Variants in WDR27 observed in about 807,000 individuals in gnomAD.
WDR27 encodes WD repeat domain 27.
In WDR27, 100 loss-of-function variants were observed where a neutral mutation model predicts 114.4. The ratio of observed to expected loss-of-function variants is 0.87; its 90% confidence interval spans 0.74 to 1.03. WDR27 has a LOEUF of 1.03. WDR27 is among the 50% of genes least tolerant of loss of function. WDR27 has a pLI of 0.00. For synonymous variants in WDR27, 449 were observed against 423.1 expected (o/e 1.06, Z -0.75); for missense variants, 1,129 against 1,092.9 (o/e 1.03, Z -0.47).
At chr6:169,644,243 T>C (rs1053790916) in intron 16 of WDR27, among the ~76,000 whole-genome samples, 1 of 150,006 alleles carries the variant, frequency 6.7e-6, no homozygotes, top group Admixed American at 6.6e-5. Flanking sequence ...TTCACAGGAG[T>C]CACACTGTAG....
At chr6:169,551,694 G>A (rs1353728623) in intron 25 of WDR27, among the ~76,000 whole-genome samples, 5 of 135,050 alleles carry the variant, frequency 3.7e-5, no homozygotes, top group East Asian at 2.3e-4. Context: ...CTGAGATTGC[G>A]CCATTGCACT....
At chr6:169,531,382 A>G (rs1457690223) in intron 25 of WDR27, among the ~76,000 whole-genome samples, 1 of 152,222 alleles carries the variant, frequency 6.6e-6, no homozygotes, top group East Asian at 1.9e-4. Context: ...TCCCGTGGAC[A>G]TTGGGGAGCA....
chr6:169,596,409 A>AT (rs960309264), intron 23 of WDR27, among the ~76,000 whole-genome samples: 28 of 151,206 alleles, frequency 1.9e-4, no homozygotes, highest in Non-Finnish European at 3.1e-4. Flanking sequence ...TTATTTCTGA[A>AT]TTTTTTTCTA....
chr6:169,567,681 C>T (rs555275738), intron 25 of WDR27, among the ~76,000 whole-genome samples: 7 of 152,108 alleles, frequency 4.6e-5, no homozygotes, highest in African/African-American at 1.2e-4. Flanking sequence ...ACTGTACTGC[C>T]GGGAAGAAAT....
chr6:169,672,286 G>C lies in WDR27; in HGVS notation c.300C>G (p.Asn100Lys), dbSNP rs1355549660. 3.7e-6 allele frequency: 6 copies of C among 1,613,132 alleles called. No individual in the cohort carries two copies. The highest frequency in any genetic ancestry group is 2.7e-5 in the African/African-American group (2 of 75,006). Residue 100 changes from asparagine (N) to lysine (K), a missense_variant, in exon 3 of 26, where the codon AAC (asparagine) becomes AAG (lysine). By Grantham distance (94) the Asn-to-Lys change is moderately conservative (BLOSUM62 0). Transcript: ENST00000448612. ...SASLDYVIMW[N>K]LDECREKVLQ... is the part of the protein sequence containing the mutation. The stretch of plus-strand genomic sequence containing the variant: ...GTACTTTCTCTCTACATTCATCCAG[G>C]TTCCACATTATAACATAATCCAGTG...
At chr6:169,578,980 G>A (rs936118285) in intron 24 of WDR27, among the ~76,000 whole-genome samples, 4 of 152,110 alleles carry the variant, frequency 2.6e-5, no homozygotes, top group Non-Finnish European at 4.4e-5. Flanking sequence ...CAGCACCCTA[G>A]GTACACGGCA....
the WDR27 span, among the ~76,000 whole-genome samples, chr6:169,436,429 T>C: frequency 6.6e-6 from 1 of 152,114 alleles, no homozygotes; most frequent in Non-Finnish European, 1.5e-5. Flanking sequence ...TTAATATTAT[T>C]GGTTTAATGA....
chr6:169,545,877 C>G (rs537478418), intron 25 of WDR27, among the ~76,000 whole-genome samples: 1 of 151,646 alleles, frequency 6.6e-6, no homozygotes, highest in Non-Finnish European at 1.5e-5. Flanking sequence ...ATACATATAA[C>G]GTGACTCTCA....
chr6:169,553,823 A>G (rs1798518619), intron 25 of WDR27, among the ~76,000 whole-genome samples: 1 of 152,164 alleles, frequency 6.6e-6, no homozygotes, highest in Non-Finnish European at 1.5e-5. Context: ...TTGTGTTCCA[A>G]AGCCCTGGAA....
chr6:169,612,460 A>C (rs1284619329), intron 22 of WDR27, among the ~76,000 whole-genome samples: 1 of 151,210 alleles, frequency 6.6e-6, no homozygotes, highest in African/African-American at 2.4e-5. Flanking sequence ...AACAAACAAA[A>C]AATTAGGTGG....
chr6:169,659,121 G>T lies in WDR27; in HGVS notation c.1284C>A (p.Cys428Ter). 6.3e-7 allele frequency: 1 copy of T among 1,598,274 alleles called. No homozygotes were observed. The highest frequency in any genetic ancestry group is 8.5e-7 in the Non-Finnish European group (1 of 1,173,214). ...NPAALVRAQQ[C>*]PSMGQSLSVP... Reference sequence around the variant, plus strand: ...CCGAGAGGCTCTGCCCCATGCTGGGGCACTGCTGAGCCCTGACTAGCGCGG... The same window carrying T: ...CCGAGAGGCTCTGCCCCATGCTGGGTCACTGCTGAGCCCTGACTAGCGCGG... The change falls in exon 12 of 26, where the codon TGC becomes TGA. Residue 428 changes from cysteine to a stop codon, truncating the protein, a stop_gained. Coordinates refer to ENST00000448612, the MANE Select transcript of WDR27 (RefSeq NM_182552.5). LOFTEE classifies it high-confidence loss of function. This position sits in a 1 kb window ranked among gnomAD's most constrained non-coding sequence, Gnocchi z 4.3.
chr6:169,642,193 G>A (rs1017625507), intron 17 of WDR27, among the ~76,000 whole-genome samples: 7 of 152,152 alleles, frequency 4.6e-5, no homozygotes, highest in African/African-American at 1.7e-4. Flanking sequence ...CTGGGCAGGT[G>A]CTGAGAGACC....
At chr6:169,685,819 T>C (rs1180129498) in intron 2 of WDR27, among the ~76,000 whole-genome samples, 1 of 152,200 alleles carries the variant, frequency 6.6e-6, no homozygotes, top group Non-Finnish European at 1.5e-5. Context: ...GTCTCAAGTC[T>C]TGGGAAAGAG....
intron 25 of WDR27, among the ~76,000 whole-genome samples, chr6:169,526,509 A>G (rs1794987802): frequency 2.6e-5 from 4 of 152,130 alleles, no homozygotes; most frequent in Admixed American, 2.6e-4. Context: ...GCTACTCGGG[A>G]GGCTGAGGCA....
chr6:169,569,759 T>A (rs894558173), intron 25 of WDR27, among the ~76,000 whole-genome samples: 1 of 152,232 alleles, frequency 6.6e-6, no homozygotes, highest in Non-Finnish European at 1.5e-5. Flanking sequence ...TATTCCTAAA[T>A]TCATGCAAGT....
chr6:169,674,378 A>T (rs1779545506), intron 2 of WDR27, among the ~76,000 whole-genome samples: 5 of 152,264 alleles, frequency 3.3e-5, no homozygotes. Flanking sequence ...AGAGGCATAG[A>T]AGATATTTAA....
At chr6:169,457,768 A>G (rs1242205187) in intron 25 of WDR27, 134 bp from the exon 26 acceptor site, 4 of 626,260 alleles carry the variant, frequency 6.4e-6, no homozygotes, top group Non-Finnish European at 1.1e-5. Context: ...ATACATTAAC[A>G]TAGTAGAATC....
At chr6:169,563,626 G>A (rs1449295450) in intron 25 of WDR27, among the ~76,000 whole-genome samples, 1 of 152,218 alleles carries the variant, frequency 6.6e-6, no homozygotes, top group Non-Finnish European at 1.5e-5. Context: ...CCACAGGGAT[G>A]CAGCCACAGC....
chr6:169,647,795 A>G lies in WDR27; in HGVS notation c.1635T>C (p.Arg545=), dbSNP rs367953308. Residue 545 remains arginine, a synonymous_variant, in exon 16 of 26, where the codon CGT becomes CGC. Transcript: ENST00000448612. ...CACCTGAGTACTGGATGCAGCATAC[A>G]CGTGTGCAGGTGGGGGCGGCAGCGA... ...PQVAAAPTCT[R]VCCIQYSGDG... is the part of the protein sequence containing the mutation. 82 of 1,584,066 alleles carry G rather than the reference A, an allele frequency of 5.2e-5. No homozygotes were observed. The South Asian group carries it at 9.3e-4, about 18-fold the overall frequency.
Sources: gnomAD v4.1 joint callset for allele counts (sites outside exome capture counted in the v4.1 genomes callset) on GRCh38, gnomAD v4.1.1 for gene constraint, Gnocchi (gnomAD v3.1) non-coding constraint, MANE v1.5 for transcripts, NCBI Gene and HGNC (gene_info 2026-07-23, HGNC 2026-07-21) for gene names.